The following TRIM24 variants were observed in gnomAD, a reference collection of about 807,000 sequenced individuals.
The protein encoded by TRIM24 is tripartite motif containing 24.
TRIM24 carries 29 observed loss-of-function variants against 123.9 expected under a neutral mutation model. The ratio of observed to expected loss-of-function variants is 0.23; its 90% CI spans 0.17 to 0.32. The LOEUF is 0.32. Ranked by LOEUF, TRIM24 falls within the 10% of genes least tolerant of loss-of-function variation. TRIM24 has a pLI of 1.00. For missense variants in TRIM24, 932 were observed against 1,295.3 expected (o/e 0.72, Z 4.31); for synonymous variants, 456 against 461.1 (o/e 0.99, Z 0.14).
chr7:138,557,717 A>G (rs1259884240), intron 9 of TRIM24, among the ~76,000 whole-genome samples: 1 of 152,092 alleles, frequency 6.6e-6, no homozygotes, highest in African/African-American at 2.4e-5. Flanking sequence ...TGCATACCCC[A>G]CCTTCCTGGG....
intron 6 of TRIM24, among the ~76,000 whole-genome samples, chr7:138,531,494 T>C (rs1032036451): frequency 3.9e-5 from 6 of 152,092 alleles, no homozygotes; most frequent in Non-Finnish European, 5.9e-5. Flanking sequence ...TGCGATAGTT[T>C]GCTGAGAATG....
chr7:138,462,236 G>C (rs1414175359), intron 1 of TRIM24, among the ~76,000 whole-genome samples: 1 of 152,126 alleles, frequency 6.6e-6, no homozygotes, highest in Non-Finnish European at 1.5e-5. Context: ...CCTAAGCTTA[G>C]GGTTCCTCTC....
At chr7:138,492,201 G>A (rs909888108) in intron 1 of TRIM24, among the ~76,000 whole-genome samples, 15 of 149,068 alleles carry the variant, frequency 1.0e-4, no homozygotes, top group Non-Finnish European at 2.2e-4. Flanking sequence ...GAGCCTAGGA[G>A]GTGGAGGCTG....
chr7:138,469,648 C>T (rs1795227937), intron 1 of TRIM24, among the ~76,000 whole-genome samples: 1 of 152,126 alleles, frequency 6.6e-6, no homozygotes, highest in African/African-American at 2.4e-5. Flanking sequence ...CCAGTAGTCT[C>T]CAAAATGGCA....
chr7:138,547,581 A>C (rs1357394757), intron 7 of TRIM24, among the ~76,000 whole-genome samples: 1 of 152,250 alleles, frequency 6.6e-6, no homozygotes, highest in Non-Finnish European at 1.5e-5. Context: ...AATTTTAGAT[A>C]AAACATAGTT....
chr7:138,554,442 A>G lies in TRIM24; in HGVS notation c.1262-256A>G, dbSNP rs190668853. On this transcript the variant is annotated intron_variant, in intron 8 of 18. Transcript: ENST00000343526. The surrounding 1 kb of genome is among the most constrained non-coding windows in gnomAD (Gnocchi z 4.5). ...TTTTACAATATAGTTTTATAAAAGC[A>G]TGTTGTTATGGTTTTATTCTTAAAT... 2.0e-5 allele frequency among the ~76,000 whole-genome samples: 3 copies of G among 152,336 alleles called. No homozygotes were observed. Among genetic ancestry groups the G allele is most frequent in the African/African-American group, 7.2e-5 (3 of 41,586 alleles).
rs1053684686 is a variant in TRIM24, at chr7:138,568,942, C to T, written c.1704+1288C>T. Among the ~76,000 whole-genome samples the T allele has an allele frequency of 7.9e-5, 12 of 152,090 alleles. No individual in the cohort carries two copies. In the South Asian group the frequency reaches 8.3e-4, roughly 11 times the overall value. ...TACACTCTGTGTCTATACATATCTT[C>T]GTATAATCAATTTGCCTTTGCTATA... On this transcript the variant is annotated intron_variant, in intron 10 of 18. Transcript: ENST00000343526.
At chr7:138,546,993 T>C (rs1192804468) in intron 7 of TRIM24, among the ~76,000 whole-genome samples, 3 of 152,168 alleles carry the variant, frequency 2.0e-5, no homozygotes, top group Non-Finnish European at 4.4e-5. Flanking sequence ...CCTGGGTTCA[T>C]TGCAACATTA....
intron 1 of TRIM24, among the ~76,000 whole-genome samples, chr7:138,479,228 T>TAA (rs1795471460): frequency 6.6e-6 from 1 of 152,154 alleles, no homozygotes; most frequent in African/African-American, 2.4e-5. Flanking sequence ...CATGTACAAT[T>TAA]AACATATTAA....
At chr7:138,578,532 T>TGTG (rs1797815326) in intron 14 of TRIM24, among the ~76,000 whole-genome samples, 5 of 146,790 alleles carry the variant, frequency 3.4e-5, no homozygotes, top group African/African-American at 1.3e-4. Context: ...GGTGGTGGTT[T>TGTG]TGTGTGTGTG....
chr7:138,491,234 G>A, intron 1 of TRIM24: 1 of 240,754 alleles, frequency 4.2e-6, no homozygotes, highest in Non-Finnish European at 8.5e-6. Context: ...GGTGATTAGT[G>A]TCTTTCTGAT....
intron 1 of TRIM24, among the ~76,000 whole-genome samples, chr7:138,494,069 C>T (rs1284546238): frequency 6.6e-6 from 1 of 151,988 alleles, no homozygotes; most frequent in Non-Finnish European, 1.5e-5. Context: ...GGAACCTCCG[C>T]CTCCTGGGTT....
intron 6 of TRIM24, among the ~76,000 whole-genome samples, chr7:138,535,586 C>T (rs1796851709): frequency 6.6e-6 from 1 of 152,242 alleles, no homozygotes; most frequent in Admixed American, 6.5e-5. Context: ...GAGAGATCCA[C>T]TGTTAGTCTG....
chr7:138,494,971 A>G (rs1002519683), intron 1 of TRIM24, among the ~76,000 whole-genome samples: 2 of 152,246 alleles, frequency 1.3e-5, no homozygotes, highest in Non-Finnish European at 2.9e-5. Flanking sequence ...GAAAAAAAGA[A>G]TGCAGGTAGA....
intron 7 of TRIM24, among the ~76,000 whole-genome samples, chr7:138,546,959 A>G (rs1797113862): frequency 6.6e-6 from 1 of 152,212 alleles, no homozygotes; most frequent in South Asian, 2.1e-4. Flanking sequence ...AATGAAATCA[A>G]GATCTTGAAT....
chr7:138,514,171 T>G (rs1222472216), intron 2 of TRIM24, among the ~76,000 whole-genome samples: 1 of 152,222 alleles, frequency 6.6e-6, no homozygotes. Flanking sequence ...TAGTGTCAAC[T>G]GCTGAGTGAA....
intron 7 of TRIM24, among the ~76,000 whole-genome samples, chr7:138,544,761 A>G (rs1385850130): frequency 1.3e-5 from 2 of 152,146 alleles, no homozygotes; most frequent in Admixed American, 1.3e-4. Flanking sequence ...TTTCCTATTG[A>G]TCAGTGATGT....
intron 1 of TRIM24, among the ~76,000 whole-genome samples, chr7:138,473,354 A>T (rs568521536): frequency 6.6e-6 from 1 of 152,240 alleles, no homozygotes; most frequent in Non-Finnish European, 1.5e-5. Context: ...TACTTACTGT[A>T]TGCAGACTGA....
At chr7:138,477,268 G>C (rs940273714) in intron 1 of TRIM24, among the ~76,000 whole-genome samples, 1 of 151,854 alleles carries the variant, frequency 6.6e-6, no homozygotes, top group Non-Finnish European at 1.5e-5. Flanking sequence ...TGCAGTGAGC[G>C]GAGATCAGGC....
Sources: allele counts gnomAD v4.1 joint callset (sites outside exome capture counted in the v4.1 genomes callset), GRCh38; gene constraint gnomAD v4.1.1; non-coding constraint Gnocchi (gnomAD v3.1); transcripts MANE v1.5; gene names NCBI Gene and HGNC (gene_info 2026-07-23, HGNC 2026-07-21).